HMGB1: variants seen among roughly 807,000 people sequenced by gnomAD.
HMGB1 encodes high mobility group protein B1.
For missense variants in HMGB1, 79 were observed against 253.5 expected (o/e 0.31, Z 4.67); for synonymous variants, 81 against 84.0 (o/e 0.96, Z 0.19).
At chr13:30,529,930 T>C (rs964324238) in intron 1 of HMGB1, among the ~76,000 whole-genome samples, 4 of 152,196 alleles carry the variant, frequency 2.6e-5, no homozygotes, top group Non-Finnish European at 4.4e-5. Context: ...AGACTTCCAA[T>C]TGGATTTGCA....
intron 1 of HMGB1, among the ~76,000 whole-genome samples, chr13:30,586,470 G>GTTTT (rs1228323938): frequency 3.2e-5 from 4 of 123,270 alleles, no homozygotes; most frequent in East Asian, 2.5e-4. Context: ...GAAATCACTG[G>GTTTT]TTTTTTTTGT....
intron 1 of HMGB1, among the ~76,000 whole-genome samples, chr13:30,530,342 A>C (rs1404798242): frequency 1.3e-5 from 2 of 152,206 alleles, no homozygotes; most frequent in African/African-American, 2.4e-5. Context: ...CCAAAATCCT[A>C]AAATATCTGA....
chr13:30,591,027 CTTTT>C (rs910554887), intron 1 of HMGB1, among the ~76,000 whole-genome samples: 1 of 109,944 alleles, frequency 9.1e-6, no homozygotes, highest in South Asian at 2.9e-4. Flanking sequence ...GAGGCAGGGC[CTTTT>C]TTTTTTTTTT....
intron 1 of HMGB1, among the ~76,000 whole-genome samples, chr13:30,516,259 AG>A (rs1458655654): frequency 6.6e-6 from 1 of 152,258 alleles, no homozygotes; most frequent in African/African-American, 2.4e-5. Flanking sequence ...TAGGACTACA[AG>A]GAATATTTCA....
At position 30,519,536 on chromosome 13, in the gene HMGB1, A is replaced by G. The variant is rs1465959033; in HGVS notation, c.-14-55842T>C. ...CAGTGAAACCCTGTCTCTACTAAAA[A>G]TACAAAAAAAAAAATTAGCCAGGCG... On this transcript the variant is annotated intron_variant, in intron 1 of 4. Coordinates refer to the HMGB1 transcript ENST00000405805. 2.5e-4 allele frequency among the ~76,000 whole-genome samples: 16 copies of G among 64,544 alleles called. 1 individual carries two copies. The South Asian group carries it at 5.7e-3, about 23-fold the overall frequency. The allele number at this position is 64,544 out of a possible 152,430, so 42.3% of individuals were successfully genotyped here.
intron 1 of HMGB1, 145 bp from the exon 2 acceptor site, chr13:30,463,839 G>C: frequency 1.7e-6 from 1 of 594,430 alleles, no homozygotes; most frequent in Non-Finnish European, 2.8e-6. Flanking sequence ...ACAAGAATAT[G>C]GCCGAGAGAT....
intron 1 of HMGB1, among the ~76,000 whole-genome samples, chr13:30,591,330 C>T (rs1051953194): frequency 1.1e-4 from 17 of 151,984 alleles, no homozygotes; most frequent in Non-Finnish European, 2.9e-5. Context: ...TCGCGCCTGG[C>T]CGAGGCACAG....
chr13:30,592,754 G>A (rs895422946), intron 1 of HMGB1, among the ~76,000 whole-genome samples: 3 of 151,808 alleles, frequency 2.0e-5, no homozygotes, highest in Non-Finnish European at 4.4e-5. Flanking sequence ...AAGATGGAAA[G>A]TTGCTTTGTC....
chr13:30,516,977 A>C (rs1888115731), intron 1 of HMGB1, among the ~76,000 whole-genome samples: 1 of 152,096 alleles, frequency 6.6e-6, no homozygotes, highest in Admixed American at 6.6e-5. Context: ...TAAATACATA[A>C]ATGCTAAAAA....
chr13:30,527,076 C>T (rs1216163854), intron 1 of HMGB1, among the ~76,000 whole-genome samples: 1 of 152,250 alleles, frequency 6.6e-6, no homozygotes, highest in Non-Finnish European at 1.5e-5. Context: ...ATGGGTCATT[C>T]CCCGCTAGAG....
At chr13:30,585,060 G>A (rs1871082515) in intron 1 of HMGB1, among the ~76,000 whole-genome samples, 1 of 151,996 alleles carries the variant, frequency 6.6e-6, no homozygotes, top group South Asian at 2.1e-4. Flanking sequence ...AGAGGTGGGA[G>A]GACTGCTTGA....
intron 1 of HMGB1, among the ~76,000 whole-genome samples, chr13:30,586,289 T>C (rs1213197550): frequency 6.6e-6 from 1 of 152,110 alleles, no homozygotes. Flanking sequence ...GAAACCCTGT[T>C]ATTTTCCTCC....
intron 1 of HMGB1, among the ~76,000 whole-genome samples, chr13:30,557,141 C>A (rs1221104550): frequency 6.6e-6 from 1 of 152,152 alleles, no homozygotes; most frequent in Non-Finnish European, 1.5e-5. Context: ...TTTCAAAAAT[C>A]ATAGCTTTTA....
intron 1 of HMGB1, among the ~76,000 whole-genome samples, chr13:30,465,440 C>G (rs1886720893): frequency 1.4e-5 from 2 of 146,072 alleles, no homozygotes; most frequent in South Asian, 4.2e-4. Context: ...GCTCCGCGCA[C>G]GCCGCCCGCC....
chr13:30,466,516 T>A (rs1191974173), upstream of HMGB1, among the ~76,000 whole-genome samples: 2 of 152,148 alleles, frequency 1.3e-5, no homozygotes, highest in Non-Finnish European at 2.9e-5. Flanking sequence ...AGGGCTTCTA[T>A]AAGAAAGTGA....
intron 1 of HMGB1, among the ~76,000 whole-genome samples, chr13:30,537,393 A>G (rs1027386092): frequency 2.6e-5 from 4 of 151,912 alleles, no homozygotes; most frequent in African/African-American, 9.7e-5. Context: ...ATGAACAAAC[A>G]TTTTGTGTAA....
chr13:30,588,216 T>C lies in HMGB1; in HGVS notation c.-15+28455A>G, dbSNP rs146454171. 1.8e-3 allele frequency among the ~76,000 whole-genome samples: 275 copies of C among 152,252 alleles called. 1 individual carries two copies. The highest frequency in any genetic ancestry group is 6.3e-3 in the African/African-American group (263 of 41,550). ...AAACCATAATGTTAAAAATATTACA[T>C]AGTAACACAGAAAGACAATGTATAA... On this transcript the variant is annotated intron_variant, in intron 1 of 4. Coordinates refer to the HMGB1 transcript ENST00000405805.
At chr13:30,485,457 C>T (rs1024935802) in intron 1 of HMGB1, among the ~76,000 whole-genome samples, 5 of 152,366 alleles carry the variant, frequency 3.3e-5, no homozygotes, top group Middle Eastern at 3.4e-3. Flanking sequence ...GCAGCCATCA[C>T]AAAGCCACCA....
upstream of HMGB1, among the ~76,000 whole-genome samples, chr13:30,467,393 G>A (rs1352693702): frequency 3.3e-5 from 5 of 152,096 alleles, no homozygotes; most frequent in Admixed American, 2.0e-4. Context: ...TAAACTACTT[G>A]AGAGTAAGCT....
Sources: allele counts gnomAD v4.1 joint callset (sites outside exome capture counted in the v4.1 genomes callset), GRCh38; gene constraint gnomAD v4.1.1; transcripts MANE v1.5; gene names NCBI Gene and HGNC (gene_info 2026-07-23, HGNC 2026-07-21).